Variants in DUS2 observed in about 807,000 individuals in gnomAD.
The protein encoded by DUS2 is dihydrouridine synthase 2, also known as tRNA-dihydrouridine(20) synthase [NAD(P)+]-like.
A neutral mutation model predicts 71.3 loss-of-function variants in DUS2; 52 were observed. The ratio of observed to expected loss-of-function variants is 0.73; its 90% CI spans 0.58 to 0.92. DUS2 has a LOEUF of 0.92. Ranked by LOEUF, DUS2 falls within the 40% of genes least tolerant of loss-of-function variation. The probability of loss-of-function intolerance (pLI) is 0.00; values close to 1 mark genes in which losing one functional copy is unlikely to be tolerated. For missense variants in DUS2, 558 were observed against 622.6 expected, an observed-to-expected ratio of 0.90 and a Z score of 1.10; for synonymous variants, 204 against 227.8, an observed-to-expected ratio of 0.90 and a Z score of 0.94.
intron 2 of DUS2, among the ~76,000 whole-genome samples, chr16:68,032,757 G>A (rs1347725557): frequency 1.3e-5 from 2 of 151,414 alleles, no homozygotes; most frequent in African/African-American, 2.4e-5. Context: ...ATCACCTGAG[G>A]TCAGGAGTTA....
At chr16:68,031,793 T>G (rs1325527532) in intron 2 of DUS2, among the ~76,000 whole-genome samples, 1 of 152,110 alleles carries the variant, frequency 6.6e-6, no homozygotes, top group Admixed American at 6.6e-5. Flanking sequence ...CTCCCTGGTT[T>G]GAGTGATTCT....
Position 68,075,442 on chromosome 16 carries a change from G to A in DUS2, c.1020G>A (p.Glu340=), listed in dbSNP as rs1598320954. The A allele has an allele frequency of 6.2e-7, 1 of 1,613,980 alleles. No homozygotes were observed. Among genetic ancestry groups the A allele is most frequent in the Non-Finnish European group, 8.5e-7 (1 of 1,179,920 alleles). The change falls in exon 14 of 17, where the codon GAG becomes GAA. Residue 340 remains glutamate (E), a synonymous_variant. Transcript: ENST00000565263. ...QQARLSAKTS[E]QTGEPAEDTS... ...CCAGGCTCTCAGCCAAGACTTCAGAGCAGACAGGGGAGCCAGCTGAAGATA... is the reference window on the plus strand; with the variant it reads ...CCAGGCTCTCAGCCAAGACTTCAGAACAGACAGGGGAGCCAGCTGAAGATA...
chr16:68,051,491 A>G (rs1307370521), intron 4 of DUS2, among the ~76,000 whole-genome samples: 1 of 152,084 alleles, frequency 6.6e-6, no homozygotes, highest in African/African-American at 2.4e-5. Flanking sequence ...CCTGGGCTCA[A>G]ATGATCATCC....
intron 14 of DUS2, 103 bp from the exon 15 acceptor site, chr16:68,076,529 T>G (rs1306879644): frequency 1.2e-6 from 1 of 821,514 alleles, no homozygotes; most frequent in Non-Finnish European, 2.0e-6. Context: ...GTGTCTCAGT[T>G]CCTCTCATTT....
At chr16:68,024,825 T>TG (rs2033320371) in intron 1 of DUS2, among the ~76,000 whole-genome samples, 2 of 149,228 alleles carry the variant, frequency 1.3e-5, no homozygotes, top group South Asian at 4.2e-4. Flanking sequence ...TGACAATGGC[T>TG]GGATACTTTT....
intron 2 of DUS2, among the ~76,000 whole-genome samples, chr16:68,025,883 A>G (rs2033341524): frequency 6.6e-6 from 1 of 152,176 alleles, no homozygotes; most frequent in African/African-American, 2.4e-5. Flanking sequence ...TCATTCATTC[A>G]ATCATTCATT....
intron 14 of DUS2, 101 bp from the exon 15 acceptor site, chr16:68,076,531 C>T: frequency 1.2e-6 from 1 of 844,928 alleles, no homozygotes; most frequent in Non-Finnish European, 1.9e-6. Flanking sequence ...GTCTCAGTTC[C>T]TCTCATTTCT....
intron 6 of DUS2, among the ~76,000 whole-genome samples, chr16:68,055,876 C>G (rs1035541126): frequency 8.8e-5 from 13 of 147,578 alleles, no homozygotes; most frequent in African/African-American, 3.2e-4. Context: ...CAACCTAATA[C>G]ATACCAGAGG....
At chr16:68,067,648 TTA>T (rs2034029547) in intron 10 of DUS2, among the ~76,000 whole-genome samples, 1 of 151,630 alleles carries the variant, frequency 6.6e-6, no homozygotes, top group Non-Finnish European at 1.5e-5. Flanking sequence ...ACTGCTTTGT[TTA>T]TGTGTTTTTC....
chr16:68,053,828 A>G (rs2033813474), intron 5 of DUS2, 173 bp downstream of exon 5: 4 of 610,688 alleles, frequency 6.5e-6, no homozygotes, highest in Non-Finnish European at 1.1e-5. Context: ...TAATTATACT[A>G]TTGGAGACAG....
chr16:68,049,028 G>A (rs189502056), intron 3 of DUS2, among the ~76,000 whole-genome samples: 1 of 152,196 alleles, frequency 6.6e-6, no homozygotes, highest in East Asian at 1.9e-4. Context: ...TGGGATAGGG[G>A]TTTTAGACTT....
chr16:68,076,299 A>G (rs1347254308), intron 14 of DUS2, among the ~76,000 whole-genome samples: 1 of 151,954 alleles, frequency 6.6e-6, no homozygotes, highest in Admixed American at 6.6e-5. Context: ...CCCACTCCCT[A>G]CTAATCTTGT....
At chr16:68,065,343 C>T (rs929002373) in intron 8 of DUS2, among the ~76,000 whole-genome samples, 4 of 151,534 alleles carry the variant, frequency 2.6e-5, no homozygotes, top group African/African-American at 9.7e-5. Context: ...GGGAACATTC[C>T]CTTCACCCAG....
At chr16:68,034,754 T>C (rs1157019543) in intron 2 of DUS2, among the ~76,000 whole-genome samples, 4 of 152,068 alleles carry the variant, frequency 2.6e-5, no homozygotes, top group Non-Finnish European at 4.4e-5. Context: ...TCCCAGCACT[T>C]TGGGAGGCCG....
At chr16:68,057,249 GAGAGAGAGAGAGAA>G (rs1255740838) in intron 7 of DUS2, among the ~76,000 whole-genome samples, 3 of 143,114 alleles carry the variant, frequency 2.1e-5, no homozygotes, top group Non-Finnish European at 3.0e-5. Flanking sequence ...TATATATATA[GAGAGAGAGAGAGAA>G]AGAGAGAGAG....
intron 4 of DUS2, among the ~76,000 whole-genome samples, chr16:68,053,216 C>T (rs1382804012): frequency 6.6e-6 from 1 of 152,248 alleles, no homozygotes; most frequent in Non-Finnish European, 1.5e-5. Flanking sequence ...CCGCCTCGGC[C>T]TCCCAAGGTG....
At chr16:68,036,178 C>T (rs1371175754) in intron 2 of DUS2, among the ~76,000 whole-genome samples, 14 of 134,108 alleles carry the variant, frequency 1.0e-4, no homozygotes, top group East Asian at 2.2e-4. Context: ...TTTTTTTTTT[C>T]GAGACAGAGT....
At position 68,078,968 on chromosome 16, in the gene DUS2, C is replaced by A. The variant is rs2034199984; in HGVS notation, c.1464C>A (p.Ser488Arg). Residue 488 changes from serine (S) to arginine (R), a missense_variant, in exon 17 of 17, where the codon AGC (serine) becomes AGA (arginine). By Grantham distance (110) the Ser-to-Arg change is moderately radical. Transcript: ENST00000565263. ...TGGCCTTGGGAAGTGGTGAAGAAAG[C>A]CCCCTGGAAGGCTGGTGACTACTCT... The part of the protein sequence containing the change: ...PFVALGSGEE[S>R]PLEGW The A allele has an allele frequency of 2.5e-6, 4 of 1,576,578 alleles. No homozygotes were observed. In the East Asian group the frequency reaches 6.8e-5, roughly 27 times the overall value.
At chr16:68,069,937 G>A (rs1371816276) in intron 10 of DUS2, among the ~76,000 whole-genome samples, 197 bp from the exon 11 acceptor site, 1 of 152,216 alleles carries the variant, frequency 6.6e-6, no homozygotes, top group Non-Finnish European at 1.5e-5. Flanking sequence ...GCATGGATCT[G>A]TGCTGCCCCT....
Sources: gnomAD v4.1 joint callset for allele counts (sites outside exome capture counted in the v4.1 genomes callset) on GRCh38, gnomAD v4.1.1 for gene constraint, MANE v1.5 for transcripts, NCBI Gene and HGNC (gene_info 2026-07-23, HGNC 2026-07-21) for gene names.